CGNL1: variants seen among roughly 807,000 people sequenced by gnomAD.
CGNL1 encodes cingulin-like protein 1.
Under a neutral mutation model 141.2 loss-of-function variants are expected in CGNL1, and 132 were observed. The observed-to-expected ratio is 0.93, with a 90% CI of 0.81 to 1.08. CGNL1 has a LOEUF of 1.08. CGNL1 is among the 50% of genes least tolerant of loss of function. CGNL1 has a pLI of 0.00. For missense variants in CGNL1, 1,870 were observed against 1,588.6 expected (o/e 1.18, Z -3.01); for synonymous variants, 690 against 622.1 (o/e 1.11, Z -1.63).
At chr15:57,413,220 T>TCCC in intron 1 of CGNL1, among the ~76,000 whole-genome samples, 1 of 143,016 alleles carries the variant, frequency 7.0e-6, no homozygotes, top group African/African-American at 2.6e-5. Context: ...TCTTCCTCTC[T>TCCC]TCCTCCCTCC....
At chr15:57,397,917 G>C (rs1389258519) in intron 1 of CGNL1, among the ~76,000 whole-genome samples, 1 of 151,926 alleles carries the variant, frequency 6.6e-6, no homozygotes, top group East Asian at 1.9e-4. Flanking sequence ...CGAGTAGCTG[G>C]GATTATAGGT....
At chr15:57,421,207 G>A (rs1429281616) in intron 1 of CGNL1, among the ~76,000 whole-genome samples, 1 of 152,186 alleles carries the variant, frequency 6.6e-6, no homozygotes, top group East Asian at 1.9e-4. Context: ...ACCAGGAACT[G>A]AATTGACTGG....
At chr15:57,433,982 C>A (rs2063075567) in intron 1 of CGNL1, among the ~76,000 whole-genome samples, 1 of 132,080 alleles carries the variant, frequency 7.6e-6, no homozygotes, top group South Asian at 2.9e-4. Context: ...TCCACACTTG[C>A]AGAGCCACCA....
At chr15:57,545,069 C>G (rs528656281) in intron 16 of CGNL1, among the ~76,000 whole-genome samples, 1 of 152,306 alleles carries the variant, frequency 6.6e-6, no homozygotes, top group African/African-American at 2.4e-5. Flanking sequence ...AGTGAGCACA[C>G]TCCTTTCCAG....
chr15:57,505,125 GGGCCAAAAAGTCACCACACCTCCTTCAA>G lies in CGNL1; in HGVS notation c.2404-11650_2404-11623del, dbSNP rs1365202336. Among the ~76,000 whole-genome samples, 4 of 152,026 alleles carry G rather than the reference GGGCCAAAAAGTCACCACACCTCCTTCAA, an allele frequency of 2.6e-5. No homozygotes were observed. The East Asian group carries it at 5.8e-4, about 22-fold the overall frequency. ...GGAAACAATTGCTCTAAGAGGACGG[GGGCCAAAAAGTCACCACACCTCCTTCAA>G]GGCCTCTGTATAGAAGGAAATCTGT... is the stretch of plus-strand genomic sequence containing the variant. On this transcript the variant is annotated intron_variant, in intron 8 of 18. Transcript: ENST00000281282.
At chr15:57,501,861 G>A (rs530098483) in intron 8 of CGNL1, among the ~76,000 whole-genome samples, 1 of 152,276 alleles carries the variant, frequency 6.6e-6, no homozygotes, top group African/African-American at 2.4e-5. Flanking sequence ...TCCTGCAGCG[G>A]CACTCACAGG....
At chr15:57,491,717 A>G (rs551394275) in intron 8 of CGNL1, among the ~76,000 whole-genome samples, 80 of 152,206 alleles carry the variant, frequency 5.3e-4, no homozygotes, top group Non-Finnish European at 9.8e-4. Flanking sequence ...AAGAGTTCCA[A>G]ATAATTTAGG....
intron 1 of CGNL1, among the ~76,000 whole-genome samples, chr15:57,426,067 C>T (rs1344957927): frequency 6.6e-6 from 1 of 152,130 alleles, no homozygotes; most frequent in African/African-American, 2.4e-5. Context: ...GCCCCAGGCC[C>T]TCCTCCTTTC....
intron 8 of CGNL1, among the ~76,000 whole-genome samples, chr15:57,507,917 T>C (rs565961857): frequency 2.0e-5 from 3 of 152,304 alleles, no homozygotes; most frequent in South Asian, 2.1e-4. Flanking sequence ...GACCCTTTTG[T>C]GTTGCAGAGG....
At chr15:57,487,621 G>T (rs1365311175) in intron 8 of CGNL1, among the ~76,000 whole-genome samples, 2 of 152,164 alleles carry the variant, frequency 1.3e-5, no homozygotes, top group Non-Finnish European at 2.9e-5. Context: ...AAAGATCCAT[G>T]TTGAGGCAGA....
rs2032698011 is a variant in CGNL1, at chr15:57,543,784, G to A, written c.3375+5G>A. On this transcript the variant is annotated splice_donor_5th_base_variant and intron_variant, in intron 15 of 18. Transcript: ENST00000281282. ...AAGATTTCCCTGGAGAGGCAGGTGA[G>A]GGCAGCCAGCCTGTGAGCTGCCCCC... The A allele has an allele frequency of 6.2e-7, 1 of 1,612,240 alleles. No individual in the cohort carries two copies. The highest frequency in any genetic ancestry group is 1.1e-5 in the South Asian group (1 of 91,038).
intron 8 of CGNL1, among the ~76,000 whole-genome samples, chr15:57,477,148 G>A (rs1261173606): frequency 6.6e-6 from 1 of 151,536 alleles, no homozygotes; most frequent in Non-Finnish European, 1.5e-5. Context: ...AAGGCTGGAC[G>A]TGCTTCAAAG....
chr15:57,543,829 C>T (rs2032703769), intron 15 of CGNL1, 50 bp downstream of exon 15: 1 of 1,393,264 alleles, frequency 7.2e-7, no homozygotes, highest in African/African-American at 1.4e-5. Flanking sequence ...CGCTAACCCT[C>T]CCCCACTTCA....
chr15:57,400,545 C>A (rs2062648430), intron 1 of CGNL1, among the ~76,000 whole-genome samples: 2 of 152,030 alleles, frequency 1.3e-5, no homozygotes, highest in African/African-American at 4.8e-5. Flanking sequence ...TGCTCAAAGC[C>A]CATTTGAGCT....
chr15:57,498,655 T>C (rs2063978620), intron 8 of CGNL1, among the ~76,000 whole-genome samples: 1 of 152,156 alleles, frequency 6.6e-6, no homozygotes, highest in Non-Finnish European at 1.5e-5. Context: ...AAAAAAATCA[T>C]ACAAGTAAAT....
intron 8 of CGNL1, among the ~76,000 whole-genome samples, chr15:57,479,132 T>C (rs1372736466): frequency 6.6e-6 from 1 of 152,252 alleles, no homozygotes; most frequent in East Asian, 1.9e-4. Context: ...TTTGGGTCCC[T>C]GGTTTATTGC....
At chr15:57,442,292 T>C (rs1297186122) in intron 3 of CGNL1, 81 bp from the exon 4 acceptor site, 1 of 743,994 alleles carries the variant, frequency 1.3e-6, no homozygotes, top group Non-Finnish European at 2.3e-6. Context: ...AAGGACCTGT[T>C]GGGTGTGTGT....
At chr15:57,531,922 A>G in intron 14 of CGNL1, 143 bp downstream of exon 14, 1 of 594,086 alleles carries the variant, frequency 1.7e-6, no homozygotes, top group Non-Finnish European at 3.0e-6. Flanking sequence ...AGTCATCACC[A>G]TAGTGAGCTT....
chr15:57,446,772 G>A lies in CGNL1; in HGVS notation c.1803+4294G>A, dbSNP rs186958225. 4.1e-5 allele frequency among the ~76,000 whole-genome samples: 6 copies of A among 145,116 alleles called. No homozygotes were observed. The South Asian group carries it at 1.3e-3, about 32-fold the overall frequency. On this transcript the variant is annotated intron_variant, in intron 4 of 18. Coordinates refer to ENST00000281282, the MANE Select transcript of CGNL1 (RefSeq NM_032866.5). ...TTAGGTGTACTTTTAACTGTTAAAT[G>A]TTCCCAAATGATTTTACACAGTGAT...
Sources: allele counts gnomAD v4.1 joint callset (sites outside exome capture counted in the v4.1 genomes callset), GRCh38; gene constraint gnomAD v4.1.1; transcripts MANE v1.5; gene names NCBI Gene and HGNC (gene_info 2026-07-23, HGNC 2026-07-21).